Variants in SPAG17 observed in about 807,000 individuals in gnomAD.
SPAG17 encodes sperm-associated antigen 17.
SPAG17 carries 169 observed loss-of-function variants against 273.6 expected under a neutral mutation model. That is an observed-to-expected ratio of 0.62 (90% CI 0.55 to 0.70). The LOEUF (loss-of-function observed/expected upper bound fraction) is 0.70. Ranked by LOEUF, SPAG17 falls within the 30% of genes least tolerant of loss-of-function variation. The pLI is 0.00. For missense variants in SPAG17, 2,557 were observed against 2,627.8 expected, an observed-to-expected ratio of 0.97 and a Z score of 0.59; for synonymous variants, 825 against 873.2, an observed-to-expected ratio of 0.94 and a Z score of 0.97.
At chr1:118,016,279 G>T in intron 28 of SPAG17, 97 bp from the exon 29 acceptor site, 2 of 893,112 alleles carry the variant, frequency 2.2e-6, no homozygotes, top group Non-Finnish European at 1.7e-6. Context: ...AACTACCTCA[G>T]ATACTGTGGC....
intron 4 of SPAG17, among the ~76,000 whole-genome samples, chr1:118,107,353 G>T (rs1356291730): frequency 1.3e-5 from 2 of 152,104 alleles, no homozygotes; most frequent in South Asian, 2.1e-4. Context: ...CATTCATCCT[G>T]CTCACTTCCC....
In SPAG17 at chr1:117,996,365, T is replaced by C. The variant is rs1269802166; in HGVS notation, c.5053+5A>G. 3 of 1,610,314 alleles carry C rather than the reference T, an allele frequency of 1.9e-6. No individual in the cohort carries two copies. In the African/African-American group the frequency reaches 4.0e-5, roughly 22 times the overall value. The stretch of plus-strand genomic sequence containing the variant: ...CGTGCATTCCAGACAGTATGGGTCC[T>C]CTACCTGGCTGTTCCTGCACTGGCT... On this transcript the variant is annotated splice_donor_5th_base_variant and intron_variant, in intron 34 of 48. Coordinates refer to ENST00000336338, the MANE Select transcript of SPAG17 (RefSeq NM_206996.4).
At chr1:118,001,065 A>C (rs1036924357) in intron 32 of SPAG17, among the ~76,000 whole-genome samples, 3 of 152,166 alleles carry the variant, frequency 2.0e-5, no homozygotes, top group Non-Finnish European at 4.4e-5. Flanking sequence ...CCTTTTCCGC[A>C]TCTATTGAGA....
intron 3 of SPAG17, among the ~76,000 whole-genome samples, chr1:118,148,479 C>T (rs1659189191): frequency 6.6e-6 from 1 of 152,174 alleles, no homozygotes; most frequent in Non-Finnish European, 1.5e-5. Context: ...GTCCACTTTA[C>T]AGAGCGCTGA....
intron 32 of SPAG17, among the ~76,000 whole-genome samples, chr1:118,002,305 T>C (rs574144483): frequency 6.6e-6 from 1 of 152,298 alleles, no homozygotes; most frequent in Admixed American, 6.5e-5. Context: ...TTCTGTTGAT[T>C]TGGGGCGGAG....
intron 4 of SPAG17, among the ~76,000 whole-genome samples, chr1:118,108,693 G>C (rs939100215): frequency 2.6e-5 from 4 of 151,586 alleles, no homozygotes; most frequent in Non-Finnish European, 4.4e-5. Flanking sequence ...AGTCAAGTTT[G>C]CCACAGATTA....
chr1:117,998,915 T>C (rs1047633508), intron 32 of SPAG17, among the ~76,000 whole-genome samples: 1 of 152,096 alleles, frequency 6.6e-6, no homozygotes, highest in Non-Finnish European at 1.5e-5. Context: ...ATGTGCCATA[T>C]TGGTTTGCTG....
chr1:117,972,269 T>C (rs1239602019), intron 44 of SPAG17, among the ~76,000 whole-genome samples: 1 of 152,242 alleles, frequency 6.6e-6, no homozygotes, highest in Non-Finnish European at 1.5e-5. Flanking sequence ...TGGATAATTG[T>C]TCAAGTGGTA....
At chr1:117,964,040 C>G in intron 47 of SPAG17, 102 bp from the exon 48 acceptor site, 1 of 1,361,716 alleles carries the variant, frequency 7.3e-7, no homozygotes, top group Non-Finnish European at 1.0e-6. Context: ...CTGGCAACAT[C>G]AGTTCAATTT....
rs536664364 is a variant in SPAG17 at position 118,047,156 on chromosome 1, T to G, written c.2815-5114A>C. Among the ~76,000 whole-genome samples, 9 of 152,308 alleles carry G rather than the reference T, an allele frequency of 5.9e-5. No individual in the cohort carries two copies. In the South Asian group the frequency reaches 1.9e-3, roughly 32 times the overall value. On this transcript the variant is annotated intron_variant, in intron 20 of 48. Transcript: ENST00000336338. ...CTGGTGAATAGGAATGCCAGTGATTTTTTTCAATGCTGATCTTGTCTACAC... is the reference window on the plus strand; with the variant it reads ...CTGGTGAATAGGAATGCCAGTGATTGTTTTCAATGCTGATCTTGTCTACAC...
In SPAG17 at chr1:118,081,514, T is replaced by A. The variant is rs1276077645; in HGVS notation, c.1891A>T (p.Met631Leu). The A allele has an allele frequency of 6.2e-7, 1 of 1,613,846 alleles. No homozygotes were observed. The highest frequency in any genetic ancestry group is 8.5e-7 in the Non-Finnish European group (1 of 1,180,006). ...SGMMCGSDSE[M>L]FNIPWDNPAR... ...GGGTTGTCCCACGGTATGTTGAACA[T>A]TTCAGAATCTGACCCACACATCATC... Residue 631 changes from methionine to leucine, a missense_variant, in exon 14 of 49, where the codon ATG becomes TTG. Coordinates refer to ENST00000336338, the MANE Select transcript of SPAG17 (RefSeq NM_206996.4).
At chr1:118,113,634 T>G (rs1204409768) in intron 4 of SPAG17, among the ~76,000 whole-genome samples, 6 of 152,128 alleles carry the variant, frequency 3.9e-5, no homozygotes, top group African/African-American at 1.4e-4. Flanking sequence ...ATGTAATCAT[T>G]GGCTCTTAAT....
rs557639238 is a variant in SPAG17, at chr1:118,086,524, A to G, written c.1611+147T>C. ...TTCTCTGTATCTAGGTCCATTTTCC[A>G]GGTCCTACTTTGTATGCAAGTATCT... is the stretch of plus-strand genomic sequence containing the variant. On this transcript the variant is annotated intron_variant, in intron 12 of 48. Transcript: ENST00000336338. 452 of 731,800 alleles carry G rather than the reference A, an allele frequency of 6.2e-4. No homozygotes were observed. In the African/African-American group the frequency reaches 7.2e-3, roughly 12 times the overall value. 45.3% of individuals were successfully genotyped at this position (731,800 alleles called of 1,614,324 possible).
At chr1:118,019,128 G>A (rs974285379) in intron 28 of SPAG17, among the ~76,000 whole-genome samples, 12 of 150,132 alleles carry the variant, frequency 8.0e-5, no homozygotes, top group South Asian at 4.3e-4. Context: ...AAAAAGTACC[G>A]AGACACAATG....
intron 28 of SPAG17, among the ~76,000 whole-genome samples, chr1:118,016,599 A>G (rs1660004582): frequency 6.6e-6 from 1 of 152,180 alleles, no homozygotes; most frequent in Non-Finnish European, 1.5e-5. Flanking sequence ...ATATTGGACT[A>G]TAACAGTTAC....
intron 3 of SPAG17, among the ~76,000 whole-genome samples, chr1:118,132,508 A>T (rs1437653966): frequency 1.3e-5 from 2 of 152,208 alleles, no homozygotes; most frequent in Admixed American, 1.3e-4. Context: ...AGGCTTTATT[A>T]GATATTTTGG....
At chr1:118,114,031 CAG>C (rs1055474577) in intron 4 of SPAG17, among the ~76,000 whole-genome samples, 7 of 152,092 alleles carry the variant, frequency 4.6e-5, no homozygotes, top group South Asian at 2.1e-4. Flanking sequence ...GCGAAGCAAA[CAG>C]AAAGTGCAGA....
chr1:118,147,904 A>G (rs548759926), intron 3 of SPAG17, among the ~76,000 whole-genome samples: 14 of 152,332 alleles, frequency 9.2e-5, no homozygotes, highest in African/African-American at 3.1e-4. Flanking sequence ...GCTGCTTCTA[A>G]TCAACCACAG....
intron 35 of SPAG17, among the ~76,000 whole-genome samples, chr1:117,992,907 T>C (rs895619673): frequency 6.6e-5 from 10 of 152,154 alleles, no homozygotes; most frequent in African/African-American, 2.4e-4. Context: ...CTGGGTAGGA[T>C]GTAGAAGAGT....
Sources: gnomAD v4.1 joint callset for allele counts (sites outside exome capture counted in the v4.1 genomes callset) on GRCh38, gnomAD v4.1.1 for gene constraint, MANE v1.5 for transcripts, NCBI Gene and HGNC (gene_info 2026-07-23, HGNC 2026-07-21) for gene names.